The following AGBL4 variants were observed in gnomAD, a reference collection of about 807,000 sequenced individuals.
AGBL4 encodes cytosolic carboxypeptidase 6.
In AGBL4, 58 loss-of-function variants were observed where a neutral mutation model predicts 66.4. The ratio of observed to expected loss-of-function variants is 0.87; its 90% confidence interval spans 0.71 to 1.09. The LOEUF is 1.09. AGBL4 is among the 50% of genes least tolerant of loss of function. The pLI, the probability that AGBL4 is intolerant of heterozygous loss-of-function variation, is 0.00. For synonymous variants in AGBL4, 234 were observed against 222.9 expected (o/e 1.05, Z -0.44); for missense variants, 579 against 631.0 (o/e 0.92, Z 0.88).
At chr1:49,475,142 A>G (rs1646822108) in intron 3 of AGBL4, among the ~76,000 whole-genome samples, 1 of 152,010 alleles carries the variant, frequency 6.6e-6, no homozygotes, top group African/African-American at 2.4e-5. Flanking sequence ...GGTATTTAAC[A>G]TGCAAGCATG....
chr1:49,461,522 C>G (rs1443200495), intron 3 of AGBL4, among the ~76,000 whole-genome samples: 2 of 147,564 alleles, frequency 1.4e-5, no homozygotes, highest in Non-Finnish European at 3.0e-5. Flanking sequence ...ACTTTAAGTT[C>G]TGGGGTACAT....
intron 6 of AGBL4, among the ~76,000 whole-genome samples, chr1:48,689,438 TTCCCTCCCTCCCTCCC>T (rs1218901262): frequency 2.7e-5 from 4 of 147,712 alleles, no homozygotes; most frequent in Non-Finnish European, 1.5e-5. Flanking sequence ...TCTTCTTTCC[TTCCCTCCCTCCCTCCC>T]TCCCTCCTTC....
chr1:48,989,454 A>G (rs971623668), intron 5 of AGBL4, among the ~76,000 whole-genome samples: 5 of 152,030 alleles, frequency 3.3e-5, no homozygotes, highest in Non-Finnish European at 5.9e-5. Flanking sequence ...TGCTACCAAT[A>G]CTAGATCTAC....
At chr1:49,899,429 T>C (rs1649547810) in intron 1 of AGBL4, among the ~76,000 whole-genome samples, 1 of 151,822 alleles carries the variant, frequency 6.6e-6, no homozygotes, top group Non-Finnish European at 1.5e-5. Context: ...AGGTGATGGA[T>C]ACACAATATA....
chr1:49,889,286 C>T (rs1475046718), intron 1 of AGBL4, among the ~76,000 whole-genome samples: 3 of 152,140 alleles, frequency 2.0e-5, no homozygotes, highest in South Asian at 2.1e-4. Context: ...ATTCAGGGAG[C>T]TATCACCACA....
intron 5 of AGBL4, among the ~76,000 whole-genome samples, chr1:49,027,144 C>T (rs760356500): frequency 8.5e-5 from 13 of 152,066 alleles, no homozygotes; most frequent in Non-Finnish European, 1.5e-4. Flanking sequence ...CCCAGCAAAA[C>T]AACCGTTTAA....
intron 2 of AGBL4, among the ~76,000 whole-genome samples, chr1:49,737,075 G>A (rs1363404623): frequency 6.6e-6 from 1 of 152,052 alleles, no homozygotes; most frequent in Non-Finnish European, 1.5e-5. Context: ...TAGCTTATAT[G>A]CTGTTGGTGA....
intron 1 of AGBL4, among the ~76,000 whole-genome samples, chr1:49,929,512 ATAAG>A (rs949865929): frequency 6.6e-6 from 1 of 152,160 alleles, no homozygotes; most frequent in African/African-American, 2.4e-5. Flanking sequence ...ACTGAAGTAA[ATAAG>A]TAAATTTTGT....
chr1:49,633,632 C>A (rs1387283541), intron 3 of AGBL4, among the ~76,000 whole-genome samples: 1 of 151,808 alleles, frequency 6.6e-6, no homozygotes, highest in Non-Finnish European at 1.5e-5. Flanking sequence ...GTAATCTAGC[C>A]TGGGGGACAG....
intron 3 of AGBL4, among the ~76,000 whole-genome samples, chr1:49,504,106 TC>T (rs769593962): frequency 6.6e-6 from 1 of 152,090 alleles, no homozygotes; most frequent in Non-Finnish European, 1.5e-5. Flanking sequence ...GGGGGCGGTT[TC>T]CCCCATGCTG....
At position 48,600,595 on chromosome 1, in the gene AGBL4, A is replaced by G. The variant is rs1645061007; in HGVS notation, c.952-9610T>C. 2.0e-5 allele frequency among the ~76,000 whole-genome samples: 3 copies of G among 152,182 alleles called. No individual in the cohort carries two copies. The South Asian group carries it at 6.2e-4, about 32-fold the overall frequency. ...GGTTCTGTAATTATAACAATCCTAT[A>G]AGGGTAATAACATCATATAAGGAAA... On this transcript the variant is annotated intron_variant, in intron 9 of 13. Transcript: ENST00000371839.
At chr1:49,627,410 C>G (rs1207263859) in intron 3 of AGBL4, among the ~76,000 whole-genome samples, 2 of 152,102 alleles carry the variant, frequency 1.3e-5, no homozygotes, top group African/African-American at 4.8e-5. Flanking sequence ...GTAAAACATT[C>G]TGAGTGTGCC....
intron 4 of AGBL4, among the ~76,000 whole-genome samples, chr1:49,085,547 G>C (rs192905700): frequency 4.6e-5 from 7 of 152,070 alleles, no homozygotes; most frequent in Admixed American, 2.6e-4. Context: ...CATGTGTGCT[G>C]TTCTCATGGA....
intron 3 of AGBL4, among the ~76,000 whole-genome samples, chr1:49,679,186 T>C (rs1646640977): frequency 6.6e-6 from 1 of 152,162 alleles, no homozygotes. Flanking sequence ...ATCAGTTTTA[T>C]TAGTTTTTGC....
intron 1 of AGBL4, among the ~76,000 whole-genome samples, chr1:49,943,852 C>T (rs924194468): frequency 1.3e-5 from 2 of 152,072 alleles, no homozygotes; most frequent in African/African-American, 4.8e-5. Flanking sequence ...GAAAGCCCTA[C>T]TTGCTTTCAC....
chr1:49,048,984 A>G (rs565087627), intron 4 of AGBL4, among the ~76,000 whole-genome samples: 2 of 152,204 alleles, frequency 1.3e-5, no homozygotes, highest in East Asian at 3.9e-4. Flanking sequence ...ACCTGATTTT[A>G]TAGTACTCTC....
intron 2 of AGBL4, chr1:49,845,206 A>C: frequency 6.8e-7 from 1 of 1,476,386 alleles, no homozygotes. Flanking sequence ...CTCGGCACTT[A>C]CCAAACACCA....
At chr1:48,577,803 G>A (rs1270805847) in intron 11 of AGBL4, among the ~76,000 whole-genome samples, 1 of 152,148 alleles carries the variant, frequency 6.6e-6, no homozygotes, top group Non-Finnish European at 1.5e-5. Context: ...AGAGTGAGGG[G>A]TGAGAGTAAG....
chr1:49,308,367 T>C (rs1644885183), intron 3 of AGBL4, among the ~76,000 whole-genome samples: 1 of 152,148 alleles, frequency 6.6e-6, no homozygotes, highest in Non-Finnish European at 1.5e-5. Flanking sequence ...ATATATAAGA[T>C]AGTCTTTAAT....
Sources: allele counts gnomAD v4.1 joint callset (sites outside exome capture counted in the v4.1 genomes callset), GRCh38; gene constraint gnomAD v4.1.1; transcripts MANE v1.5; gene names NCBI Gene and HGNC (gene_info 2026-07-23, HGNC 2026-07-21).